The following DHRS3 variants were observed in gnomAD, a reference collection of about 807,000 sequenced individuals.
DHRS3 encodes the protein short-chain dehydrogenase/reductase 3.
Under a neutral mutation model 27.2 loss-of-function variants are expected in DHRS3, and 14 were observed. The observed-to-expected ratio is 0.52, with a 90% confidence interval of 0.34 to 0.81. The LOEUF (loss-of-function observed/expected upper bound fraction) is 0.81. Ranked by LOEUF, DHRS3 falls within the 30% of genes least tolerant of loss-of-function variation. The pLI is 0.01. For missense variants in DHRS3, 322 were observed against 406.2 expected (o/e 0.79, Z 1.78); for synonymous variants, 165 against 175.9 (o/e 0.94, Z 0.49).
rs528444275 is a variant in DHRS3 at position 12,579,256 on chromosome 1, A to G, written c.459+37T>C. Reference sequence around the variant, plus strand: ...CCTCCATCCTGCCTGGGCTCCCTGCACGCCCGGGGCTGGCTCTGGCCCCGG... The same window carrying G: ...CCTCCATCCTGCCTGGGCTCCCTGCGCGCCCGGGGCTGGCTCTGGCCCCGG... On this transcript the variant is annotated intron_variant, in intron 3 of 5. Transcript: ENST00000616661. 28 of 1,613,886 alleles carry G rather than the reference A, an allele frequency of 1.7e-5. No individual in the cohort carries two copies. In the East Asian group the frequency reaches 5.6e-4, roughly 32 times the overall value.
rs1433862876 is a variant in DHRS3, at chr1:12,608,736, G to T, written c.195+8418C>A. Among the ~76,000 whole-genome samples, 1 of 152,194 alleles carries T rather than the reference G, an allele frequency of 6.6e-6. No homozygotes were observed. Among genetic ancestry groups the T allele is most frequent in the Admixed American group, 6.5e-5 (1 of 15,276 alleles). ...AACCTGTTCCAAAGGGCAGGAAGGTGTTCCTCTTGCAGGGCCCAGGTCTGC... is the reference window on the plus strand; with the variant it reads ...AACCTGTTCCAAAGGGCAGGAAGGTTTTCCTCTTGCAGGGCCCAGGTCTGC... On this transcript the variant is annotated intron_variant, in intron 1 of 5. Coordinates refer to ENST00000616661, the MANE Select transcript of DHRS3 (RefSeq NM_004753.7). The surrounding 1 kb of genome is among the most constrained non-coding windows in gnomAD (Gnocchi z 4.1).
intron 1 of DHRS3, chr1:12,600,275 G>C: frequency 1.2e-6 from 1 of 848,946 alleles, no homozygotes; most frequent in African/African-American, 1.8e-5. Context: ...GAAGGCTCAG[G>C]AGATATCCCC....
chr1:12,616,746 G>A (rs56359798), intron 1 of DHRS3: 22 of 1,015,908 alleles, frequency 2.2e-5, no homozygotes, highest in Non-Finnish European at 2.5e-5. Context: ...CGAGGCGCCA[G>A]CTAGCAGGCG....
intron 1 of DHRS3, among the ~76,000 whole-genome samples, chr1:12,597,275 C>T (rs753300659): frequency 5.3e-5 from 8 of 152,186 alleles, no homozygotes; most frequent in Non-Finnish European, 8.8e-5. Context: ...CAGGGTTTCA[C>T]CATCTTGGCC....
chr1:12,595,392 G>A (rs1178029798), intron 1 of DHRS3, among the ~76,000 whole-genome samples: 1 of 151,958 alleles, frequency 6.6e-6, no homozygotes, highest in Non-Finnish European at 1.5e-5. Flanking sequence ...GTGGGCCCAG[G>A]GGCGGGCGCG....
chr1:12,613,913 G>A (rs1646926668), intron 1 of DHRS3, among the ~76,000 whole-genome samples: 1 of 152,102 alleles, frequency 6.6e-6, no homozygotes. Context: ...GGGATTACGG[G>A]CGCTTACCAC....
intron 1 of DHRS3, among the ~76,000 whole-genome samples, chr1:12,612,238 A>G (rs778682834): frequency 6.6e-5 from 10 of 152,060 alleles, no homozygotes; most frequent in Non-Finnish European, 1.3e-4. Flanking sequence ...CTCCCTGTAA[A>G]TTGGTTAGTG....
intron 1 of DHRS3, among the ~76,000 whole-genome samples, chr1:12,598,841 G>A (rs1273599834): frequency 1.3e-5 from 2 of 152,218 alleles, no homozygotes; most frequent in African/African-American, 4.8e-5. Flanking sequence ...TAGCTGAGCA[G>A]AGACCCCCAA....
In DHRS3 at chr1:12,608,845, A is replaced by G. The variant is rs1482734521; in HGVS notation, c.195+8309T>C. Reference sequence around the variant, plus strand: ...CCATGCCTCTGTGGTACTGGAATGCAGCTGATACCCTCTCTTGCCTCTTAA... The same window carrying G: ...CCATGCCTCTGTGGTACTGGAATGCGGCTGATACCCTCTCTTGCCTCTTAA... On this transcript the variant is annotated intron_variant, in intron 1 of 5. Transcript: ENST00000616661. This position sits in a 1 kb window ranked among gnomAD's most constrained non-coding sequence, Gnocchi z 4.1. Among the ~76,000 whole-genome samples the G allele has an allele frequency of 6.6e-6, 1 of 152,136 alleles. No individual in the cohort carries two copies. The highest frequency in any genetic ancestry group is 1.5e-5 in the Non-Finnish European group (1 of 68,026).
chr1:12,591,514 G>A lies in DHRS3; in HGVS notation c.196-10848C>T, dbSNP rs1018007800. On this transcript the variant is annotated intron_variant, in intron 1 of 5. Coordinates refer to ENST00000616661, the MANE Select transcript of DHRS3 (RefSeq NM_004753.7). This position sits in a 1 kb window ranked among gnomAD's most constrained non-coding sequence, Gnocchi z 4.1. Reference sequence around the variant, plus strand: ...TGACCGCAACCTGGAGCAGGGCAGAGACTTCCTCCAGGCGGACGTCCAGCC... The same window carrying A: ...TGACCGCAACCTGGAGCAGGGCAGAAACTTCCTCCAGGCGGACGTCCAGCC... Among the ~76,000 whole-genome samples, 2 of 152,244 alleles carry A rather than the reference G, an allele frequency of 1.3e-5. No homozygotes were observed.
intron 1 of DHRS3, among the ~76,000 whole-genome samples, chr1:12,609,141 C>T (rs760072190): frequency 5.3e-5 from 8 of 152,218 alleles, no homozygotes; most frequent in Admixed American, 1.3e-4. Flanking sequence ...CCAACTCATC[C>T]TTCCACAGTG....
intron 5 of DHRS3, among the ~76,000 whole-genome samples, chr1:12,569,401 C>T (rs1338901045): frequency 6.6e-6 from 1 of 151,600 alleles, no homozygotes. Flanking sequence ...TTTGTGGGTA[C>T]ATAGTAGGTA....
chr1:12,588,471 C>T (rs1309930071), intron 1 of DHRS3, among the ~76,000 whole-genome samples: 1 of 152,216 alleles, frequency 6.6e-6, no homozygotes, highest in African/African-American at 2.4e-5. Context: ...GATACCCATT[C>T]CTCACTGCTA....
At chr1:12,587,317 AT>A (rs1646705300) in intron 1 of DHRS3, among the ~76,000 whole-genome samples, 1 of 150,902 alleles carries the variant, frequency 6.6e-6, no homozygotes, top group Admixed American at 6.6e-5. Flanking sequence ...TAATTTTTAT[AT>A]TTTTTGTAGA....
intron 1 of DHRS3, among the ~76,000 whole-genome samples, chr1:12,583,225 A>C: frequency 1.6e-5 from 2 of 127,164 alleles, no homozygotes; most frequent in African/African-American, 3.1e-5. Context: ...TCCATCCCTC[A>C]CCTACCCCAC....
intron 1 of DHRS3, among the ~76,000 whole-genome samples, chr1:12,595,312 G>C (rs979961096): frequency 6.6e-6 from 1 of 152,108 alleles, no homozygotes; most frequent in Non-Finnish European, 1.5e-5. Context: ...ATGATGGCGT[G>C]AGGGGGTGGC....
At chr1:12,584,251 C>T (rs577466301) in intron 1 of DHRS3, among the ~76,000 whole-genome samples, 4 of 152,172 alleles carry the variant, frequency 2.6e-5, no homozygotes, top group South Asian at 2.1e-4. Context: ...GTGGTCACCC[C>T]AGCACTGTTG....
chr1:12,587,699 C>T (rs1646709557), intron 1 of DHRS3, among the ~76,000 whole-genome samples: 1 of 151,030 alleles, frequency 6.6e-6, no homozygotes, highest in African/African-American at 2.4e-5. Flanking sequence ...AGAGAGAGAG[C>T]CGGTCTCAAA....
intron 1 of DHRS3, among the ~76,000 whole-genome samples, chr1:12,583,514 AT>A: frequency 7.9e-6 from 1 of 126,186 alleles, no homozygotes; most frequent in African/African-American, 3.1e-5. Context: ...CCATCCATCC[AT>A]CCATCCACCC....
Sources: gnomAD v4.1 joint callset for allele counts (sites outside exome capture counted in the v4.1 genomes callset) on GRCh38, gnomAD v4.1.1 for gene constraint, Gnocchi (gnomAD v3.1) non-coding constraint, MANE v1.5 for transcripts, NCBI Gene and HGNC (gene_info 2026-07-23, HGNC 2026-07-21) for gene names.